Variants in OSBPL10 observed in about 807,000 individuals in gnomAD.
OSBPL10 encodes the protein oxysterol-binding protein-related protein 10.
A neutral mutation model predicts 81.7 loss-of-function variants in OSBPL10; 49 were observed. The observed-to-expected ratio is 0.60, with a 90% CI of 0.48 to 0.76. OSBPL10 has a LOEUF of 0.76. Ranked by LOEUF, OSBPL10 falls within the 30% of genes least tolerant of loss-of-function variation. OSBPL10 has a pLI of 0.00. For missense variants in OSBPL10, 923 were observed against 987.8 expected (o/e 0.93, Z 0.88); for synonymous variants, 419 against 383.6 (o/e 1.09, Z -1.08).
chr3:31,845,754 C>T (rs1185111777), intron 3 of OSBPL10, among the ~76,000 whole-genome samples: 1 of 152,142 alleles, frequency 6.6e-6, no homozygotes, highest in Admixed American at 6.5e-5. Context: ...CTCTGCATGA[C>T]CCAGAGACAG....
intron 1 of OSBPL10, among the ~76,000 whole-genome samples, chr3:31,924,011 G>T (rs879531118): frequency 1.3e-5 from 2 of 152,080 alleles, no homozygotes; most frequent in Non-Finnish European, 2.9e-5. Context: ...AAGGTCGGGA[G>T]TTCAAGACCA....
At chr3:31,859,731 CTTAAGT>C (rs1176614728) in intron 3 of OSBPL10, among the ~76,000 whole-genome samples, 2 of 152,184 alleles carry the variant, frequency 1.3e-5, no homozygotes, top group Non-Finnish European at 2.9e-5. Context: ...TCCCAGGCTC[CTTAAGT>C]TTATTTTTCT....
At chr3:31,826,223 C>T (rs558422886) in intron 4 of OSBPL10, among the ~76,000 whole-genome samples, 5 of 152,316 alleles carry the variant, frequency 3.3e-5, no homozygotes, top group East Asian at 1.9e-4. Flanking sequence ...AGCAAAAAGA[C>T]AATCTGCAGC....
At chr3:31,750,366 A>G (rs760174200) in intron 4 of OSBPL10, among the ~76,000 whole-genome samples, 10 of 152,180 alleles carry the variant, frequency 6.6e-5, no homozygotes, top group Non-Finnish European at 1.2e-4. Flanking sequence ...GATGTATCCC[A>G]AGTACTGTAA....
chr3:31,739,143 A>G (rs1182776711), intron 5 of OSBPL10, among the ~76,000 whole-genome samples: 1 of 152,142 alleles, frequency 6.6e-6, no homozygotes, highest in Non-Finnish European at 1.5e-5. Flanking sequence ...GCATACCACA[A>G]TCTTGAACTC....
chr3:31,747,469 A>G (rs895640521), intron 5 of OSBPL10, among the ~76,000 whole-genome samples: 1 of 141,290 alleles, frequency 7.1e-6, no homozygotes, highest in African/African-American at 2.6e-5. Flanking sequence ...ACTGAATGGA[A>G]TGAAATGAAT....
chr3:31,771,730 GCA>G (rs1162554450), intron 4 of OSBPL10, among the ~76,000 whole-genome samples: 1 of 152,162 alleles, frequency 6.6e-6, no homozygotes, highest in African/African-American at 2.4e-5. Context: ...TTAGATGAAT[GCA>G]CACTTACATG....
chr3:31,696,179 C>T (rs911045718), intron 7 of OSBPL10, among the ~76,000 whole-genome samples: 2 of 152,126 alleles, frequency 1.3e-5, no homozygotes, highest in African/African-American at 4.8e-5. Flanking sequence ...GCAATGGATG[C>T]ATTATGCTAT....
intron 3 of OSBPL10, among the ~76,000 whole-genome samples, chr3:31,864,822 C>T (rs1381879026): frequency 6.6e-6 from 1 of 152,150 alleles, no homozygotes; most frequent in African/African-American, 2.4e-5. Flanking sequence ...TAGGGACAGG[C>T]ATAACTAGCA....
chr3:31,702,109 C>T (rs972198770), intron 7 of OSBPL10, among the ~76,000 whole-genome samples: 1 of 152,178 alleles, frequency 6.6e-6, no homozygotes, highest in Admixed American at 6.5e-5. Context: ...GTTCTCCCTG[C>T]CCTTGTAGAG....
chr3:31,699,624 T>TA (rs1559422106), intron 7 of OSBPL10, among the ~76,000 whole-genome samples: 1 of 152,212 alleles, frequency 6.6e-6, no homozygotes, highest in East Asian at 1.9e-4. Flanking sequence ...AAGACAGTGA[T>TA]AGCAGGGCAT....
At chr3:31,951,803 A>G (rs2125445967) in intron 1 of OSBPL10, among the ~76,000 whole-genome samples, 1 of 152,126 alleles carries the variant, frequency 6.6e-6, no homozygotes, top group Non-Finnish European at 1.5e-5. Context: ...AAAAGGTAGG[A>G]TAACTTTACA....
chr3:31,933,373 T>C (rs1697301239), intron 1 of OSBPL10, among the ~76,000 whole-genome samples: 1 of 152,116 alleles, frequency 6.6e-6, no homozygotes, highest in Admixed American at 6.5e-5. Flanking sequence ...ATTTGAAGTA[T>C]ACTTTAAATG....
chr3:31,916,848 C>T (rs1285179658), intron 1 of OSBPL10, among the ~76,000 whole-genome samples: 1 of 152,138 alleles, frequency 6.6e-6, no homozygotes, highest in Non-Finnish European at 1.5e-5. Flanking sequence ...TCCACCTGGC[C>T]CTCTCCTGAA....
intron 4 of OSBPL10, among the ~76,000 whole-genome samples, chr3:31,821,154 G>GCATT (rs1453750385): frequency 1.3e-5 from 2 of 152,002 alleles, no homozygotes; most frequent in African/African-American, 4.8e-5. Flanking sequence ...CCACAACAGA[G>GCATT]CATTCTCCTG....
Position 31,792,740 on chromosome 3 carries a change from A to AGTGTGTGT in OSBPL10, c.729+37292_729+37299dup, listed in dbSNP as rs10575874. On this transcript the variant is annotated intron_variant, in intron 4 of 11. Transcript: ENST00000396556. ...TACACTCTCAGCTATCCAGACACAG[A>AGTGTGTGT]GTGTGTGTGTGTGTGTGTGTGTGTG... Among the ~76,000 whole-genome samples the AGTGTGTGT allele has an allele frequency of 4.5e-3, 596 of 133,680 alleles. 7 individuals are homozygous for AGTGTGTGT. Among genetic ancestry groups the AGTGTGTGT allele is most frequent in the East Asian group, 0.021 (91 of 4,284 alleles). The allele number at this position is 133,680 out of a possible 152,430, so 87.7% of individuals were successfully genotyped here.
At chr3:31,945,553 T>C (rs147014719) in intron 1 of OSBPL10, among the ~76,000 whole-genome samples, 1 of 152,302 alleles carries the variant, frequency 6.6e-6, no homozygotes, top group East Asian at 1.9e-4. Flanking sequence ...CAAATCTACA[T>C]CTCTAGTTTC....
chr3:31,935,600 T>C (rs1308281415), intron 1 of OSBPL10, among the ~76,000 whole-genome samples: 6 of 151,914 alleles, frequency 3.9e-5, no homozygotes, highest in African/African-American at 1.5e-4. Context: ...CTTGGCTCAC[T>C]GCAACCTCTG....
intron 2 of OSBPL10, among the ~76,000 whole-genome samples, chr3:32,002,563 C>G (rs1362589871): frequency 1.3e-5 from 2 of 152,094 alleles, no homozygotes; most frequent in Non-Finnish European, 2.9e-5. Context: ...GTCCAAAAAC[C>G]CCTCCTCCAA....
Sources: allele counts gnomAD v4.1 joint callset (sites outside exome capture counted in the v4.1 genomes callset), GRCh38; gene constraint gnomAD v4.1.1; transcripts MANE v1.5; gene names NCBI Gene and HGNC (gene_info 2026-07-23, HGNC 2026-07-21).